The following KANK1 variants were observed in gnomAD, a reference collection of about 807,000 sequenced individuals.
The protein encoded by KANK1 is KN motif and ankyrin repeat domains 1.
A neutral mutation model predicts 106.2 loss-of-function variants in KANK1; 109 were observed. The observed-to-expected ratio is 1.03, with a 90% CI of 0.88 to 1.20. The LOEUF is 1.20. KANK1 is among the 50% of genes most tolerant of loss of function. The pLI is 0.00. For missense variants in KANK1, 2,399 were observed against 1,710.7 expected (o/e 1.40, Z -7.10); for synonymous variants, 873 against 652.2 (o/e 1.34, Z -5.16).
At chr9:741,058 C>G (rs1463851743) in intron 9 of KANK1, 124 bp downstream of exon 9, 1 of 1,069,708 alleles carries the variant, frequency 9.3e-7, no homozygotes, top group African/African-American at 1.6e-5. Context: ...GTTTGCAGGC[C>G]TGCCCTGAGT....
At chr9:617,111 C>T (rs760347488) in intron 1 of KANK1, among the ~76,000 whole-genome samples, 13 of 151,520 alleles carry the variant, frequency 8.6e-5, no homozygotes, top group African/African-American at 2.4e-4. Context: ...TCAGTTAGGT[C>T]GATTTTTTTT....
chr9:519,825 T>C (rs187576006), intron 1 of KANK1, among the ~76,000 whole-genome samples: 7 of 151,888 alleles, frequency 4.6e-5, no homozygotes, highest in Admixed American at 2.6e-4. Context: ...AAACAAGTCA[T>C]TTAGATTTTT....
Position 710,966 on chromosome 9 carries a change from G to A in KANK1, c.200G>A (p.Arg67Gln), listed in dbSNP as rs7860464. 0.035 allele frequency: 56,678 copies of A among 1,614,006 alleles called. 10,619 individuals carry two copies. The African/African-American group carries it at 0.51, about 15-fold the overall frequency. The change falls in exon 3 of 12, where the codon CGG becomes CAG. Residue 67 changes from arginine (R) to glutamine (Q), a missense_variant. Physicochemically the swap from Arg to Gln is conservative, Grantham distance 43. Coordinates refer to ENST00000382297, the MANE Select transcript of KANK1 (RefSeq NM_015158.5). The part of the protein sequence containing the change: ...TIKRLNIQKR[R>Q]KPSVPCPEPR... ...AAAAGACTGAACATCCAGAAGAGGC[G>A]GAAGCCGTCCGTGCCATGCCCAGAA...
intron 7 of KANK1, 112 bp downstream of exon 7, chr9:734,947 A>T: frequency 1.3e-6 from 1 of 750,870 alleles, no homozygotes; most frequent in Non-Finnish European, 2.3e-6. Context: ...TTTTCTCCTG[A>T]ACTGTTTCCA....
chr9:640,887 A>G (rs1298323473), intron 1 of KANK1, among the ~76,000 whole-genome samples: 2 of 151,080 alleles, frequency 1.3e-5, no homozygotes, highest in Non-Finnish European at 2.9e-5. Flanking sequence ...TAGTAGAGAC[A>G]GGGTTTCACC....
At chr9:503,561 A>T (rs963838562), upstream of KANK1, among the ~76,000 whole-genome samples, 1 of 152,080 alleles carries the variant, frequency 6.6e-6, no homozygotes, top group Non-Finnish European at 1.5e-5. Context: ...TCACTTGCAC[A>T]CTCACAAAAA....
At chr9:576,795 T>C (rs1402825290) in intron 1 of KANK1, among the ~76,000 whole-genome samples, 1 of 152,130 alleles carries the variant, frequency 6.6e-6, no homozygotes, top group Non-Finnish European at 1.5e-5. Flanking sequence ...TCCCTGTACG[T>C]ACCATGTACC....
chr9:482,590 C>T (rs1564113463), intron 3 of KANK1, among the ~76,000 whole-genome samples: 1 of 152,158 alleles, frequency 6.6e-6, no homozygotes, highest in Non-Finnish European at 1.5e-5. Flanking sequence ...GATTCAAACC[C>T]AAGTCTTCTG....
intron 2 of KANK1, among the ~76,000 whole-genome samples, chr9:678,504 G>A (rs1281227576): frequency 6.6e-6 from 1 of 152,082 alleles, no homozygotes; most frequent in Non-Finnish European, 1.5e-5. Context: ...CGAGGGGGAT[G>A]GATCACCCAA....
chr9:544,419 A>C (rs1175153797), intron 1 of KANK1, among the ~76,000 whole-genome samples: 4 of 152,128 alleles, frequency 2.6e-5, no homozygotes, highest in Non-Finnish European at 5.9e-5. Context: ...TCTGGTGCAG[A>C]GAGGGGCATT....
intron 2 of KANK1, among the ~76,000 whole-genome samples, chr9:677,884 T>C (rs534508330): frequency 6.6e-6 from 1 of 152,306 alleles, no homozygotes; most frequent in East Asian, 1.9e-4. Flanking sequence ...CCGTGAAATA[T>C]TGGGCAGGGC....
At chr9:500,192 CA>C (rs1408172857), upstream of KANK1, among the ~76,000 whole-genome samples, 56 of 152,220 alleles carry the variant, frequency 3.7e-4, 1 homozygote, top group East Asian at 9.5e-3. Context: ...GCAGCTACAA[CA>C]AAATGGGGAG....
intron 1 of KANK1, among the ~76,000 whole-genome samples, chr9:533,611 A>T (rs1237428890): frequency 1.3e-5 from 2 of 152,220 alleles, no homozygotes; most frequent in African/African-American, 2.4e-5. Context: ...ATACTCTGGT[A>T]TCTGGACTGT....
chr9:590,363 T>C (rs2135526549), intron 1 of KANK1, among the ~76,000 whole-genome samples: 1 of 152,272 alleles, frequency 6.6e-6, no homozygotes, highest in Non-Finnish European at 1.5e-5. Flanking sequence ...AAAGTCCCTT[T>C]CTAACATTAC....
At chr9:684,661 G>T in intron 2 of KANK1, 1 of 795,722 alleles carries the variant, frequency 1.3e-6, no homozygotes, top group Non-Finnish European at 1.5e-6. Flanking sequence ...CAAAGGTATA[G>T]CTCATTTGCT....
At chr9:481,447 A>G (rs540475092) in intron 3 of KANK1, among the ~76,000 whole-genome samples, 2 of 152,252 alleles carry the variant, frequency 1.3e-5, no homozygotes, top group East Asian at 1.9e-4. Flanking sequence ...GTGTATAAAA[A>G]TAATGCACTT....
At chr9:738,536 C>G in intron 8 of KANK1, 32 bp downstream of exon 8, 1 of 1,542,620 alleles carries the variant, frequency 6.5e-7, no homozygotes, top group Non-Finnish European at 9.0e-7. Flanking sequence ...CCTCTCTTCT[C>G]TAACAGTACT....
intron 3 of KANK1, among the ~76,000 whole-genome samples, chr9:728,781 G>C (rs563480473): frequency 2.0e-4 from 31 of 152,308 alleles, no homozygotes; most frequent in African/African-American, 7.2e-4. Context: ...ACTCCTTTCT[G>C]TTGATTGCAG....
At chr9:524,760 G>C (rs1299784802) in intron 1 of KANK1, among the ~76,000 whole-genome samples, 1 of 151,342 alleles carries the variant, frequency 6.6e-6, no homozygotes, top group Non-Finnish European at 1.5e-5. Context: ...CAGGTGATCT[G>C]CTGGTCTTGG....
Sources: gnomAD v4.1 joint callset for allele counts (sites outside exome capture counted in the v4.1 genomes callset) on GRCh38, gnomAD v4.1.1 for gene constraint, MANE v1.5 for transcripts, NCBI Gene and HGNC (gene_info 2026-07-23, HGNC 2026-07-21) for gene names.